BCR: variants seen among roughly 807,000 people sequenced by gnomAD.
BCR encodes the protein breakpoint cluster region protein.
A neutral mutation model predicts 138.6 loss-of-function variants in BCR; 58 were observed. The ratio of observed to expected loss-of-function variants is 0.42; its 90% confidence interval spans 0.34 to 0.52. The LOEUF is 0.52. Among genes scored for constraint, BCR ranks in the 20% least tolerant of loss-of-function variants. BCR has a pLI of 0.06. For synonymous variants in BCR, 786 were observed against 730.1 expected (o/e 1.08, Z -1.23); for missense variants, 1,599 against 1,727.2 (o/e 0.93, Z 1.32).
intron 1 of BCR, chr22:23,243,035 G>T (rs184492649): frequency 3.0e-6 from 1 of 333,490 alleles, no homozygotes; most frequent in East Asian, 8.6e-5. Context: ...TTGGATTTAG[G>T]GTCCATCAGT....
chr22:23,254,041 C>T lies in BCR; in HGVS notation c.1461+61C>T, dbSNP rs1021517358. ...AGGTGAGGCTCCCTGAAGCGCAGCC[C>T]CATGCTCAGGGGTATGTAGCAGGTA... is the stretch of plus-strand genomic sequence containing the variant. On this transcript the variant is annotated intron_variant, in intron 2 of 22. Transcript: ENST00000305877. 2.2e-5 allele frequency: 33 copies of T among 1,524,028 alleles called. No individual in the cohort carries two copies. The African/African-American group carries it at 2.5e-4, about 11-fold the overall frequency. 94.4% of individuals were successfully genotyped at this position (1,524,028 alleles called of 1,614,324 possible).
chr22:23,241,305 C>G (rs1792762440), intron 1 of BCR, among the ~76,000 whole-genome samples: 1 of 152,208 alleles, frequency 6.6e-6, no homozygotes, highest in African/African-American at 2.4e-5. Context: ...TGACCGCCAG[C>G]AGGGGGAAGT....
intron 21 of BCR, 109 bp from the exon 22 acceptor site, chr22:23,314,443 G>T: frequency 1.5e-6 from 2 of 1,290,686 alleles, no homozygotes; most frequent in Non-Finnish European, 2.2e-6. Flanking sequence ...TTGCAGCACA[G>T]CCAGGGTCGA....
At chr22:23,305,989 T>A (rs1038046157) in intron 16 of BCR, among the ~76,000 whole-genome samples, 1 of 152,226 alleles carries the variant, frequency 6.6e-6, no homozygotes, top group Non-Finnish European at 1.5e-5. Flanking sequence ...CGAGAGAGCG[T>A]ACCAGCCTTG....
intron 12 of BCR, among the ~76,000 whole-genome samples, 163 bp downstream of exon 12, chr22:23,288,335 A>T (rs1449376515): frequency 1.3e-5 from 2 of 152,080 alleles, no homozygotes; most frequent in Admixed American, 6.5e-5. Context: ...AGCCATCCCG[A>T]TAGGCCCCCA....
chr22:23,191,418 T>C (rs1042445645), intron 1 of BCR, among the ~76,000 whole-genome samples: 18 of 152,042 alleles, frequency 1.2e-4, no homozygotes, highest in African/African-American at 4.1e-4. Flanking sequence ...CATTGATTTA[T>C]GGAAAGGCTG....
intron 2 of BCR, among the ~76,000 whole-genome samples, chr22:23,259,196 G>A (rs970177496): frequency 3.9e-5 from 6 of 152,220 alleles, no homozygotes; most frequent in Admixed American, 2.0e-4. Flanking sequence ...TCACAGACTG[G>A]GGGGCTTAAA....
chr22:23,187,278 CT>C (rs3055923), intron 1 of BCR, among the ~76,000 whole-genome samples: 12,602 of 114,394 alleles, frequency 0.11, 906 homozygotes, highest in East Asian at 0.49. Flanking sequence ...GCTTAAAATA[CT>C]TTTTTTTTTT....
intron 1 of BCR, among the ~76,000 whole-genome samples, chr22:23,232,983 T>A (rs144209174): frequency 3.9e-5 from 6 of 152,318 alleles, no homozygotes; most frequent in African/African-American, 1.4e-4. Flanking sequence ...GGGGATCGCA[T>A]TGAGGGAAGA....
intron 12 of BCR, among the ~76,000 whole-genome samples, 171 bp downstream of exon 12, chr22:23,288,343 C>T (rs1338503550): frequency 6.6e-6 from 1 of 152,110 alleles, no homozygotes; most frequent in Non-Finnish European, 1.5e-5. Context: ...CGATAGGCCC[C>T]CAGCCCTCTT....
chr22:23,226,067 C>CAGGGTGGGGCAGGAT (rs1261693614), intron 1 of BCR, among the ~76,000 whole-genome samples: 1 of 152,204 alleles, frequency 6.6e-6, no homozygotes, highest in African/African-American at 2.4e-5. Flanking sequence ...GGTCCCCTGG[C>CAGGGTGGGGCAGGAT]AGGGTGGGGC....
chr22:23,305,277 G>A (rs1370751588), intron 16 of BCR, among the ~76,000 whole-genome samples: 1 of 152,144 alleles, frequency 6.6e-6, no homozygotes, highest in Middle Eastern at 3.2e-3. Flanking sequence ...GACACATGGG[G>A]CCCAGACAGG....
chr22:23,216,865 C>T (rs1602024616), intron 1 of BCR: 8 of 224,122 alleles, frequency 3.6e-5, no homozygotes, highest in South Asian at 3.1e-4. Context: ...AGGCTAGGTT[C>T]CAAGAGCAAA....
intron 1 of BCR, among the ~76,000 whole-genome samples, chr22:23,203,107 G>T (rs113739229): frequency 6.6e-6 from 1 of 151,410 alleles, no homozygotes. Flanking sequence ...TGATCTGCCC[G>T]CCTTGGCTTC....
rs1350385123 is a variant in BCR, at chr22:23,316,143, T to A, written c.*621T>A. On this transcript the variant is annotated 3_prime_UTR_variant, in exon 23 of 23. Coordinates refer to ENST00000305877, the MANE Select transcript of BCR (RefSeq NM_004327.4). ...AGAAATGGGTCTTTTGTTGCCATGT[T>A]AGTCCTCCTTGGAAGGCAGCTCAGA... 1 of 169,966 alleles carries A rather than the reference T, an allele frequency of 5.9e-6. No homozygotes were observed. Among genetic ancestry groups the A allele is most frequent in the Non-Finnish European group, 1.1e-5 (1 of 93,370 alleles). The allele number at this position is 169,966 out of a possible 1,614,324, so 10.5% of individuals were successfully genotyped here. A position where few individuals can be genotyped will look rare whatever the true frequency, so the allele number is the denominator to read the frequency against.
intron 1 of BCR, among the ~76,000 whole-genome samples, chr22:23,212,060 A>G (rs929416428): frequency 6.6e-6 from 1 of 152,128 alleles, no homozygotes; most frequent in Non-Finnish European, 1.5e-5. Flanking sequence ...TGGCAGGTGG[A>G]TGGGAAACTG....
chr22:23,276,195 T>G (rs890100239), intron 8 of BCR, among the ~76,000 whole-genome samples: 2 of 152,052 alleles, frequency 1.3e-5, no homozygotes, highest in African/African-American at 4.8e-5. Context: ...GTCAGAAGTT[T>G]GAGACCATCC....
intron 1 of BCR, among the ~76,000 whole-genome samples, chr22:23,248,079 C>T (rs1196385329): frequency 2.6e-5 from 4 of 152,164 alleles, no homozygotes; most frequent in Non-Finnish European, 2.9e-5. Context: ...CGCAGTGGCT[C>T]ACGCTTGTAA....
intron 1 of BCR, among the ~76,000 whole-genome samples, chr22:23,246,781 T>G (rs1414253102): frequency 6.6e-6 from 1 of 152,182 alleles, no homozygotes; most frequent in Non-Finnish European, 1.5e-5. Flanking sequence ...TTTTGCCCAC[T>G]ACTTCAAAGA....
Sources: gnomAD v4.1 joint callset for allele counts (sites outside exome capture counted in the v4.1 genomes callset) on GRCh38, gnomAD v4.1.1 for gene constraint, MANE v1.5 for transcripts, NCBI Gene and HGNC (gene_info 2026-07-23, HGNC 2026-07-21) for gene names.